Variants in NRXN1 observed in about 807,000 individuals in gnomAD.
The protein encoded by NRXN1 is neurexin-1.
In NRXN1, 39 loss-of-function variants were observed where a neutral mutation model predicts 150.9. The observed-to-expected ratio is 0.26, with a 90% CI of 0.20 to 0.34. NRXN1 has a LOEUF of 0.34. NRXN1 is among the 10% of genes least tolerant of loss of function. NRXN1 has a pLI of 1.00. For missense variants in NRXN1, 1,815 were observed against 1,949.9 expected (o/e 0.93, Z 1.30); for synonymous variants, 924 against 757.0 (o/e 1.22, Z -3.62).
At chr2:50,461,346 C>T (rs2088187052) in intron 17 of NRXN1, among the ~76,000 whole-genome samples, 1 of 151,936 alleles carries the variant, frequency 6.6e-6, no homozygotes, top group Non-Finnish European at 1.5e-5. Flanking sequence ...ATATTCTTCC[C>T]TTATGGTAAC....
chr2:50,720,722 T>C (rs1218087032), intron 5 of NRXN1, among the ~76,000 whole-genome samples: 1 of 152,170 alleles, frequency 6.6e-6, no homozygotes, highest in Non-Finnish European at 1.5e-5. Flanking sequence ...AAAGAGATTC[T>C]CTGTTCCTGT....
rs147076010 is a variant in NRXN1, at chr2:50,808,954, T to C, written c.832+112915A>G. On this transcript the variant is annotated intron_variant, in intron 5 of 22. Coordinates refer to ENST00000401669, the MANE Select transcript of NRXN1 (RefSeq NM_001330078.2). ...TCATAAAATTTCCTTATGAACATAT[T>C]GACAACTTTTAGGAAAAAATCTTTC... Among the ~76,000 whole-genome samples, 28 of 152,274 alleles carry C rather than the reference T, an allele frequency of 1.8e-4. No individual in the cohort carries two copies. In the East Asian group the frequency reaches 5.4e-3, roughly 29 times the overall value.
At chr2:50,528,547 T>G (rs1262864014) in intron 12 of NRXN1, 78 bp downstream of exon 12, 1 of 690,028 alleles carries the variant, frequency 1.4e-6, no homozygotes, top group Non-Finnish European at 2.4e-6. Context: ...TTTCTCTTGC[T>G]CTCTCTCTCT....
chr2:50,341,172 GT>G (rs2077523084), intron 17 of NRXN1, among the ~76,000 whole-genome samples: 1 of 152,108 alleles, frequency 6.6e-6, no homozygotes, highest in South Asian at 2.1e-4. Context: ...GACCCTATGA[GT>G]GTAGTTCACT....
intron 5 of NRXN1, among the ~76,000 whole-genome samples, chr2:50,633,940 CAAT>C (rs1208859782): frequency 5.9e-5 from 9 of 151,998 alleles, no homozygotes; most frequent in African/African-American, 2.2e-4. Context: ...CTTTATGAGA[CAAT>C]GATGATTAAA....
At chr2:50,533,887 C>T (rs1022270652) in intron 10 of NRXN1, among the ~76,000 whole-genome samples, 1 of 152,120 alleles carries the variant, frequency 6.6e-6, no homozygotes, top group African/African-American at 2.4e-5. Context: ...GACCTGCTAC[C>T]CACTCCAGTT....
At chr2:50,091,181 A>C in intron 19 of NRXN1, 142 bp downstream of exon 19, 1 of 917,970 alleles carries the variant, frequency 1.1e-6, no homozygotes, top group Admixed American at 1.8e-5. Context: ...GGACAGCATT[A>C]CATTCACATG....
chr2:50,138,935 G>A (rs561648068), intron 18 of NRXN1, among the ~76,000 whole-genome samples: 9 of 152,348 alleles, frequency 5.9e-5, no homozygotes, highest in South Asian at 2.1e-4. Flanking sequence ...GGCCAAAGAC[G>A]TCAGATGAAA....
At chr2:50,634,227 C>T (rs940925403) in intron 5 of NRXN1, among the ~76,000 whole-genome samples, 1 of 152,164 alleles carries the variant, frequency 6.6e-6, no homozygotes, top group African/African-American at 2.4e-5. Context: ...ATAACTCTGT[C>T]TATTGTGTGG....
At chr2:50,903,993 T>G (rs745883935) in intron 5 of NRXN1, among the ~76,000 whole-genome samples, 1 of 152,128 alleles carries the variant, frequency 6.6e-6, no homozygotes, top group African/African-American at 2.4e-5. Flanking sequence ...AGCCCAATGT[T>G]AAAACAGAGA....
intron 5 of NRXN1, chr2:50,656,352 C>T (rs980149945): frequency 2.6e-6 from 2 of 775,812 alleles, no homozygotes; most frequent in African/African-American, 3.4e-5. Context: ...TAAAGAGTAC[C>T]TGAGTCTGTA....
At chr2:50,551,050 G>GGAAGAGGAAGAGGAAGAGGAAGAA (rs1335681510) in intron 9 of NRXN1, among the ~76,000 whole-genome samples, 1 of 78,990 alleles carries the variant, frequency 1.3e-5, no homozygotes, top group Non-Finnish European at 2.2e-5. Context: ...AAGAGGAAGA[G>GGAAGAGGAAGAGGAAGAGGAAGAA]GAAGAAGAAG....
chr2:49,958,735 T>C (rs1197555591), intron 21 of NRXN1, among the ~76,000 whole-genome samples: 2 of 152,328 alleles, frequency 1.3e-5, no homozygotes, highest in East Asian at 3.9e-4. Flanking sequence ...TCAAAGAGTA[T>C]TGCTGACTAT....
At chr2:50,578,484 C>T (rs945781441) in intron 8 of NRXN1, among the ~76,000 whole-genome samples, 3 of 152,118 alleles carry the variant, frequency 2.0e-5, no homozygotes, top group African/African-American at 7.2e-5. Context: ...GATCATTACT[C>T]ACTTTCCCTG....
chr2:50,913,158 T>A (rs527689812), intron 5 of NRXN1, among the ~76,000 whole-genome samples: 16 of 151,916 alleles, frequency 1.1e-4, no homozygotes, highest in African/African-American at 3.6e-4. Context: ...AGCCATCACA[T>A]CATTCTTTTA....
At chr2:49,979,727 C>G (rs1483102594) in intron 21 of NRXN1, among the ~76,000 whole-genome samples, 1 of 152,020 alleles carries the variant, frequency 6.6e-6, no homozygotes, top group Non-Finnish European at 1.5e-5. Flanking sequence ...AGCAGATTGT[C>G]TTAGTTTTTT....
chr2:50,437,968 A>G (rs1171022517), intron 17 of NRXN1, among the ~76,000 whole-genome samples: 1 of 152,206 alleles, frequency 6.6e-6, no homozygotes, highest in Admixed American at 6.5e-5. Flanking sequence ...TGCAACAAGG[A>G]AAGAGGATCC....
intron 17 of NRXN1, among the ~76,000 whole-genome samples, chr2:50,392,075 C>T (rs185763644): frequency 1.0e-3 from 157 of 152,242 alleles, no homozygotes; most frequent in Admixed American, 1.6e-3. Context: ...GTGTCCCTCT[C>T]TTGAACTACT....
chr2:49,921,846 T>C lies in NRXN1; in HGVS notation c.*98A>G, dbSNP rs201147127. The C allele has an allele frequency of 9.9e-4, 1,205 of 1,221,088 alleles. 3 individuals carry two copies. Among genetic ancestry groups the C allele is most frequent in the Non-Finnish European group, 1.2e-3 (1,046 of 859,252 alleles). 75.6% of individuals were successfully genotyped at this position (1,221,088 alleles called of 1,614,324 possible). On this transcript the variant is annotated 3_prime_UTR_variant, in exon 23 of 23. Transcript: ENST00000401669. ...CCTGATTGCATTCCCTGTCTTCTTT[T>C]GTATGTGCTTCATAAAAAGGAAAGT...
Sources: gnomAD v4.1 joint callset for allele counts (sites outside exome capture counted in the v4.1 genomes callset) on GRCh38, gnomAD v4.1.1 for gene constraint, MANE v1.5 for transcripts, NCBI Gene and HGNC (gene_info 2026-07-23, HGNC 2026-07-21) for gene names.